Variants in CSMD1 observed in about 807,000 individuals in gnomAD.
CSMD1 encodes CUB and Sushi multiple domains 1.
Under a neutral mutation model 417.5 loss-of-function variants are expected in CSMD1, and 213 were observed. That is an observed-to-expected ratio of 0.51 (90% confidence interval 0.46 to 0.57). CSMD1 has a LOEUF of 0.57. Ranked by LOEUF, CSMD1 falls within the 20% of genes least tolerant of loss-of-function variation. CSMD1 has a pLI of 0.00. For synonymous variants in CSMD1, 2,862 were observed against 1,736.8 expected, an observed-to-expected ratio of 1.65 and a Z score of -16.11; for missense variants, 6,923 against 4,529.7, an observed-to-expected ratio of 1.53 and a Z score of -15.17.
In CSMD1 at chr8:3,535,014, C is replaced by G. The variant is rs573315350; in HGVS notation, c.1344+39931G>C. Among the ~76,000 whole-genome samples the G allele has an allele frequency of 4.6e-5, 7 of 152,312 alleles. No homozygotes were observed. In the East Asian group the frequency reaches 1.2e-3, roughly 25 times the overall value. Reference sequence around the variant, plus strand: ...CCAGGCTGGAGTGCAGTGGTGCAATCAGAACTCACCGTAGCATTCAACTCC... The same window carrying G: ...CCAGGCTGGAGTGCAGTGGTGCAATGAGAACTCACCGTAGCATTCAACTCC... On this transcript the variant is annotated intron_variant, in intron 10 of 69. Transcript: ENST00000635120.
At chr8:3,519,801 C>G (rs948147805) in intron 10 of CSMD1, among the ~76,000 whole-genome samples, 1 of 148,462 alleles carries the variant, frequency 6.7e-6, no homozygotes, top group Non-Finnish European at 1.5e-5. Context: ...AATAAATTAA[C>G]TGCTACATTA....
chr8:3,100,243 G>A (rs921888961), intron 46 of CSMD1, among the ~76,000 whole-genome samples: 1 of 152,120 alleles, frequency 6.6e-6, no homozygotes, highest in Non-Finnish European at 1.5e-5. Flanking sequence ...TTTTAGAAAT[G>A]TTGTTTTGCC....
rs572614048 is a variant in CSMD1, at chr8:4,816,865, G to C, written c.85+177467C>G. Among the ~76,000 whole-genome samples, 11 of 152,216 alleles carry C rather than the reference G, an allele frequency of 7.2e-5. No individual in the cohort carries two copies. In the East Asian group the frequency reaches 1.9e-3, roughly 27 times the overall value. ...TGGTATACAGGAAGCAAGTCATATG[G>C]GGGTCTCAGAAACAGTCACATGCCC... On this transcript the variant is annotated intron_variant, in intron 1 of 69. Transcript: ENST00000635120.
intron 3 of CSMD1, among the ~76,000 whole-genome samples, chr8:4,271,527 C>G (rs982447541): frequency 2.6e-5 from 4 of 151,138 alleles, no homozygotes; most frequent in African/African-American, 9.7e-5. Flanking sequence ...AAAATGAACA[C>G]CACCAACAAA....
intron 26 of CSMD1, among the ~76,000 whole-genome samples, chr8:3,239,192 T>A (rs921797268): frequency 6.6e-6 from 1 of 152,166 alleles, no homozygotes; most frequent in Admixed American, 6.6e-5. Flanking sequence ...CCGTTTTACC[T>A]TTCCTAAATA....
chr8:4,012,847 G>A (rs899478847), intron 4 of CSMD1, among the ~76,000 whole-genome samples: 1 of 151,952 alleles, frequency 6.6e-6, no homozygotes, highest in Non-Finnish European at 1.5e-5. Context: ...GAAGACACAC[G>A]GTGCCATCCA....
chr8:4,675,096 C>T lies in CSMD1; in HGVS notation c.86-37538G>A, dbSNP rs139394164. ...AATAAATTCTTGTTGTTTAAGCCAC[C>T]CAATCCATGGTATTTTGTTATGGCA... On this transcript the variant is annotated intron_variant, in intron 1 of 69. Coordinates refer to ENST00000635120, the MANE Select transcript of CSMD1 (RefSeq NM_033225.6). Among the ~76,000 whole-genome samples, 175 of 152,278 alleles carry T rather than the reference C, an allele frequency of 1.1e-3. 1 individual carries two copies. Among genetic ancestry groups the T allele is most frequent in the African/African-American group, 4.0e-3 (166 of 41,552 alleles).
intron 1 of CSMD1, among the ~76,000 whole-genome samples, chr8:4,786,238 T>TA (rs556876074): frequency 6.6e-6 from 1 of 152,222 alleles, no homozygotes; most frequent in African/African-American, 2.4e-5. Context: ...ACTAACGGGT[T>TA]AAAAAATATC....
intron 21 of CSMD1, among the ~76,000 whole-genome samples, chr8:3,356,100 C>A (rs937790199): frequency 1.3e-5 from 2 of 152,192 alleles, no homozygotes; most frequent in Non-Finnish European, 2.9e-5. Flanking sequence ...TTAAGTCAGA[C>A]ACTTATTAGG....
chr8:4,008,899 C>T (rs1012419557), intron 4 of CSMD1, among the ~76,000 whole-genome samples: 1 of 152,016 alleles, frequency 6.6e-6, no homozygotes, highest in African/African-American at 2.4e-5. Flanking sequence ...CGTGAGCCAC[C>T]GCGCCCAGTC....
intron 3 of CSMD1, among the ~76,000 whole-genome samples, chr8:4,224,451 G>A (rs887539156): frequency 1.3e-5 from 2 of 152,100 alleles, no homozygotes; most frequent in African/African-American, 4.8e-5. Flanking sequence ...ATTCTCAGAG[G>A]CCAGGTTGGG....
intron 2 of CSMD1, among the ~76,000 whole-genome samples, chr8:4,598,963 A>G (rs1379242024): frequency 6.6e-6 from 1 of 152,226 alleles, no homozygotes; most frequent in African/African-American, 2.4e-5. Flanking sequence ...TGTTAAACCA[A>G]TTGTTAGTCT....
rs1806111911 is a variant in CSMD1 at position 4,682,452 on chromosome 8, A to C, written c.86-44894T>G. Among the ~76,000 whole-genome samples, 4 of 152,242 alleles carry C rather than the reference A, an allele frequency of 2.6e-5. No homozygotes were observed. In the South Asian group the frequency reaches 6.2e-4, roughly 24 times the overall value. On this transcript the variant is annotated intron_variant, in intron 1 of 69. Coordinates refer to ENST00000635120, the MANE Select transcript of CSMD1 (RefSeq NM_033225.6). Reference sequence around the variant, plus strand: ...GATGATTTGCTATGAATTTTTTTTCATAGGAATAATATTTCTATATGAAAA... The same window carrying C: ...GATGATTTGCTATGAATTTTTTTTCCTAGGAATAATATTTCTATATGAAAA...
chr8:4,517,837 T>C (rs1167555270), intron 2 of CSMD1, among the ~76,000 whole-genome samples: 1 of 152,188 alleles, frequency 6.6e-6, no homozygotes, highest in African/African-American at 2.4e-5. Flanking sequence ...TATTCAACAG[T>C]TGTCAGATGC....
intron 2 of CSMD1, among the ~76,000 whole-genome samples, chr8:4,593,345 T>C (rs1266688541): frequency 2.0e-5 from 3 of 152,198 alleles, no homozygotes; most frequent in Non-Finnish European, 4.4e-5. Flanking sequence ...CATGGCTAAA[T>C]CCTTGTTATT....
intron 1 of CSMD1, among the ~76,000 whole-genome samples, chr8:4,987,012 C>T (rs1811212463): frequency 1.3e-5 from 2 of 152,046 alleles, no homozygotes; most frequent in South Asian, 4.2e-4. Context: ...ATATAGTATA[C>T]ATCAGGTATT....
intron 1 of CSMD1, among the ~76,000 whole-genome samples, chr8:4,716,105 G>A (rs564643853): frequency 1.3e-5 from 2 of 152,230 alleles, no homozygotes; most frequent in African/African-American, 2.4e-5. Flanking sequence ...ACTCTTAGTC[G>A]GGAGACTCAC....
rs1357963571 is a variant in CSMD1, at chr8:4,372,288, TG to T, written c.415+47664del. 2.6e-5 allele frequency among the ~76,000 whole-genome samples: 4 copies of T among 152,288 alleles called. No homozygotes were observed. The East Asian group carries it at 7.7e-4, about 29-fold the overall frequency. Reference sequence around the variant, plus strand: ...GCTCTCCATTTCATTTTATTAAGTCTGTGGGTTAAATGACATCATGAGAACA... The same window carrying T: ...GCTCTCCATTTCATTTTATTAAGTCTTGGGTTAAATGACATCATGAGAACA... On this transcript the variant is annotated intron_variant, in intron 3 of 69. Transcript: ENST00000635120.
intron 23 of CSMD1, among the ~76,000 whole-genome samples, chr8:3,319,615 A>G (rs1302236986): frequency 6.6e-6 from 1 of 152,140 alleles, no homozygotes; most frequent in Admixed American, 6.5e-5. Context: ...AAGAAACATG[A>G]GAGTTTCTGT....
Sources: gnomAD v4.1 joint callset for allele counts (sites outside exome capture counted in the v4.1 genomes callset) on GRCh38, gnomAD v4.1.1 for gene constraint, MANE v1.5 for transcripts, NCBI Gene and HGNC (gene_info 2026-07-23, HGNC 2026-07-21) for gene names.